LAMB4: variants seen among roughly 807,000 people sequenced by gnomAD.
LAMB4 encodes laminin subunit beta-4.
In LAMB4, 196 loss-of-function variants were observed where a neutral mutation model predicts 199.2. The observed-to-expected ratio is 0.98, with a 90% confidence interval of 0.88 to 1.11. The LOEUF is 1.11. LAMB4 is among the 50% of genes least tolerant of loss of function. LAMB4 has a pLI of 0.00. For synonymous variants in LAMB4, 744 were observed against 770.6 expected, an observed-to-expected ratio of 0.97 and a Z score of 0.57; for missense variants, 2,080 against 2,171.2, an observed-to-expected ratio of 0.96 and a Z score of 0.83.
chr7:108,063,078 G>C, intron 22 of LAMB4, 84 bp from the exon 23 acceptor site: 1 of 763,558 alleles, frequency 1.3e-6, no homozygotes, highest in South Asian at 2.4e-5. Context: ...TTTTAGACCT[G>C]GATGTATCAT....
At chr7:108,075,991 T>G (rs1487842117) in intron 17 of LAMB4, 2 of 153,716 alleles carry the variant, frequency 1.3e-5, no homozygotes, top group Non-Finnish European at 2.9e-5. Context: ...GAAAATATGT[T>G]CCAGAAAATA....
intron 10 of LAMB4, among the ~76,000 whole-genome samples, chr7:108,101,027 G>A (rs1162824455): frequency 1.3e-5 from 2 of 152,100 alleles, no homozygotes; most frequent in Non-Finnish European, 2.9e-5. Context: ...ATCTATTCAG[G>A]TGGCCAGTGA....
chr7:108,051,827 T>A (rs544454118), intron 26 of LAMB4, among the ~76,000 whole-genome samples: 1 of 152,328 alleles, frequency 6.6e-6, no homozygotes, highest in East Asian at 1.9e-4. Flanking sequence ...ACCCCTTACA[T>A]GGGTTTGGCA....
chr7:108,078,695 T>C (rs986421208), intron 15 of LAMB4, among the ~76,000 whole-genome samples: 2 of 152,204 alleles, frequency 1.3e-5, no homozygotes, highest in African/African-American at 4.8e-5. Context: ...TGGGGAGATA[T>C]GCAAATTAGC....
At chr7:108,060,288 A>T (rs967880482) in intron 23 of LAMB4, among the ~76,000 whole-genome samples, 1 of 152,192 alleles carries the variant, frequency 6.6e-6, no homozygotes, top group Non-Finnish European at 1.5e-5. Flanking sequence ...TGCTACAAAC[A>T]TGCTTCCCAA....
In LAMB4 at chr7:108,063,952, T is replaced by C. The variant is rs771236219; in HGVS notation, c.2870A>G (p.Tyr957Cys). 2.5e-6 allele frequency: 4 copies of C among 1,614,012 alleles called. No individual in the cohort carries two copies. The highest frequency in any genetic ancestry group is 2.2e-5 in the South Asian group (2 of 91,078). The change falls in exon 22 of 34, where the codon TAT (tyrosine) becomes TGT (cysteine). Residue 957 changes from tyrosine to cysteine, a missense_variant. By Grantham distance (194) the Tyr-to-Cys change is radical (BLOSUM62 -2). Transcript: ENST00000388781. ...TGCTCCTGAAATTCTTGGATTTCCA[T>C]AGAAACCAGTAGAGCATTCTCCACA... ...TQCGECSTGF[Y>C]GNPRISGAPC...
intron 2 of LAMB4, among the ~76,000 whole-genome samples, chr7:108,116,433 C>G (rs2038410891): frequency 6.6e-6 from 1 of 152,070 alleles, no homozygotes; most frequent in Non-Finnish European, 1.5e-5. Context: ...TTGAACTGAA[C>G]TCCATATCAG....
chr7:108,014,551 AAGAAAATTGAGTTTAAGG>A, the LAMB4 span, among the ~76,000 whole-genome samples: 1 of 152,222 alleles, frequency 6.6e-6, no homozygotes, highest in Non-Finnish European at 1.5e-5. Context: ...AGTGGGTTAA[AAGAAAATTGAGTTTAAGG>A]AGAAAATTTA....
chr7:108,109,648 C>T (rs564673029), intron 4 of LAMB4, among the ~76,000 whole-genome samples: 119 of 152,204 alleles, frequency 7.8e-4, no homozygotes, highest in Non-Finnish European at 1.2e-3. Flanking sequence ...CCATTTCTTC[C>T]AAGAGCTGCT....
At chr7:108,063,661 TG>T in intron 22 of LAMB4, 99 bp downstream of exon 22, 1 of 1,066,174 alleles carries the variant, frequency 9.4e-7, no homozygotes, top group East Asian at 2.4e-5. Flanking sequence ...TTTTGCCTGC[TG>T]GGACTGGCCT....
At position 108,052,097 on chromosome 7, in the gene LAMB4, C is replaced by T; in HGVS notation, c.3916G>A (p.Asp1306Asn). 1 of 1,600,492 alleles carries T rather than the reference C, an allele frequency of 6.2e-7. No homozygotes were observed. ...QSSVLNASIADSSENIKKYYH... is the reference protein window; with the variant it reads ...QSSVLNASIANSSENIKKYYH... Reference sequence around the variant, plus strand: ...AGTCAAAAATACATTTTTCCCTTACCCGCAATGCTTGCATTAAGGACACTG... The same window carrying T: ...AGTCAAAAATACATTTTTCCCTTACTCGCAATGCTTGCATTAAGGACACTG... The change falls in exon 26 of 34, where the codon GAC becomes AAC. Residue 1306 changes from aspartate (D) to asparagine (N), a missense_variant and splice_region_variant. Transcript: ENST00000388781.
intron 30 of LAMB4, among the ~76,000 whole-genome samples, chr7:108,035,633 C>T (rs2528697): frequency 0.23 from 27,273 of 119,054 alleles, 6,228 homozygotes; most frequent in African/African-American, 0.6. Context: ...GAAAAAAAAA[C>T]GTAAGAAGGG....
At chr7:108,046,994 T>G (rs1021040067) in intron 28 of LAMB4, among the ~76,000 whole-genome samples, 13 of 151,952 alleles carry the variant, frequency 8.6e-5, no homozygotes, top group Non-Finnish European at 1.9e-4. Context: ...CTTGAACCCC[T>G]GGGCTCAAGG....
rs373503720 is a variant in LAMB4 at position 108,055,803 on chromosome 7, C to A, written c.3584G>T (p.Gly1195Val). ...TISSLSKAVQ[G>V]LMRLAANMED... Reference sequence around the variant, plus strand: ...CATGTTAGCAGCCAGTCTCATTAACCCTTGCACCGCTTTGGAGAGGGAAGA... The same window carrying A: ...CATGTTAGCAGCCAGTCTCATTAACACTTGCACCGCTTTGGAGAGGGAAGA... The change falls in exon 25 of 34, where the codon GGG becomes GTG. Residue 1195 changes from glycine to valine, a missense_variant. Coordinates refer to ENST00000388781, the MANE Select transcript of LAMB4 (RefSeq NM_007356.3). 3.4e-4 allele frequency: 544 copies of A among 1,614,024 alleles called. No homozygotes were observed. Among genetic ancestry groups the A allele is most frequent in the Non-Finnish European group, 4.5e-4 (526 of 1,180,028 alleles).
chr7:108,055,163 A>G (rs1317842607), intron 25 of LAMB4, among the ~76,000 whole-genome samples: 2 of 151,374 alleles, frequency 1.3e-5, no homozygotes, highest in Non-Finnish European at 2.9e-5. Flanking sequence ...GTGAGAAAAA[A>G]GTAGACATAC....
Position 108,083,285 on chromosome 7 carries a change from C to A in LAMB4, c.1702-3499G>T, listed in dbSNP as rs529266219. On this transcript the variant is annotated intron_variant, in intron 14 of 33. Transcript: ENST00000388781. Reference sequence around the variant, plus strand: ...CTCTTGTTCTCTGTCACAATATAGCCCAAAAGGATCTGGACCATCCATATA... The same window carrying A: ...CTCTTGTTCTCTGTCACAATATAGCACAAAAGGATCTGGACCATCCATATA... Among the ~76,000 whole-genome samples, 4 of 152,194 alleles carry A rather than the reference C, an allele frequency of 2.6e-5. No individual in the cohort carries two copies. In the South Asian group the frequency reaches 8.3e-4, roughly 32 times the overall value.
intron 8 of LAMB4, among the ~76,000 whole-genome samples, chr7:108,104,906 G>A (rs1362891357): frequency 6.6e-6 from 1 of 151,924 alleles, no homozygotes; most frequent in Non-Finnish European, 1.5e-5. Context: ...TAAAATGAGG[G>A]ACAGGATGGC....
chr7:108,068,797 G>A (rs998030386), intron 18 of LAMB4, among the ~76,000 whole-genome samples: 1 of 152,128 alleles, frequency 6.6e-6, no homozygotes, highest in African/African-American at 2.4e-5. Context: ...CAGTTCAAGT[G>A]ATTTTCATGC....
intron 30 of LAMB4, among the ~76,000 whole-genome samples, chr7:108,035,749 C>T (rs2035205642): frequency 1.3e-5 from 2 of 151,374 alleles, no homozygotes; most frequent in Non-Finnish European, 1.5e-5. Context: ...TTGTTACCTG[C>T]TTTTTATTTT....
Sources: allele counts gnomAD v4.1 joint callset (sites outside exome capture counted in the v4.1 genomes callset), GRCh38; gene constraint gnomAD v4.1.1; transcripts MANE v1.5; gene names NCBI Gene and HGNC (gene_info 2026-07-23, HGNC 2026-07-21).